Variants in KLF12 observed in about 807,000 individuals in gnomAD.
KLF12 encodes the protein Krueppel-like factor 12.
A neutral mutation model predicts 37.8 loss-of-function variants in KLF12; 9 were observed. The observed-to-expected ratio is 0.24, with a 90% CI of 0.14 to 0.42. The LOEUF (loss-of-function observed/expected upper bound fraction) is 0.42. KLF12 is among the 10% of genes least tolerant of loss of function. The probability of loss-of-function intolerance (pLI) is 1.00; values close to 1 mark genes in which losing one functional copy is unlikely to be tolerated. For missense variants in KLF12, 411 were observed against 516.0 expected (o/e 0.80, Z 1.97); for synonymous variants, 208 against 202.1 (o/e 1.03, Z -0.25).
At chr13:74,120,983 G>C (rs955754552) in intron 1 of KLF12, among the ~76,000 whole-genome samples, 2 of 152,062 alleles carry the variant, frequency 1.3e-5, no homozygotes, top group African/African-American at 4.8e-5. Context: ...GAGAAAAATA[G>C]AAAACAAATA....
At chr13:73,850,707 A>G (rs991024406) in intron 3 of KLF12, among the ~76,000 whole-genome samples, 1 of 152,202 alleles carries the variant, frequency 6.6e-6, no homozygotes, top group African/African-American at 2.4e-5. Context: ...GATGGGGCTG[A>G]CATACATGGG....
chr13:74,141,722 A>G, the KLF12 span, among the ~76,000 whole-genome samples: 5 of 152,212 alleles, frequency 3.3e-5, no homozygotes, highest in Admixed American at 6.5e-5. Flanking sequence ...TGTTCCATTT[A>G]GAAAGCTTTC....
At chr13:74,194,787 A>T in the KLF12 span, among the ~76,000 whole-genome samples, 2 of 152,354 alleles carry the variant, frequency 1.3e-5, no homozygotes, top group East Asian at 3.9e-4. Context: ...GGTTTGAGAT[A>T]GATGTCACTC....
At chr13:73,956,441 CT>C (rs1441804188) in intron 2 of KLF12, among the ~76,000 whole-genome samples, 1 of 152,184 alleles carries the variant, frequency 6.6e-6, no homozygotes, top group African/African-American at 2.4e-5. Flanking sequence ...CCGGGCTGTC[CT>C]GTACATTGTA....
intron 1 of KLF12, among the ~76,000 whole-genome samples, chr13:74,025,985 G>GA (rs1384856189): frequency 1.5e-4 from 23 of 152,118 alleles, no homozygotes; most frequent in African/African-American, 5.3e-4. Context: ...TTTCTCTAGT[G>GA]AAACAGTTGA....
chr13:74,221,586 C>T, the KLF12 span, among the ~76,000 whole-genome samples: 1 of 152,116 alleles, frequency 6.6e-6, no homozygotes, highest in African/African-American at 2.4e-5. Context: ...ATTATGCCTC[C>T]TTACATATTT....
chr13:73,827,907 A>C (rs1212602173), intron 4 of KLF12, among the ~76,000 whole-genome samples: 1 of 152,146 alleles, frequency 6.6e-6, no homozygotes, highest in Non-Finnish European at 1.5e-5. Context: ...GAGTTAATTA[A>C]AAGTTATCTT....
At chr13:73,881,561 G>C (rs893502470) in intron 3 of KLF12, among the ~76,000 whole-genome samples, 1 of 151,944 alleles carries the variant, frequency 6.6e-6, no homozygotes, top group African/African-American at 2.4e-5. Flanking sequence ...CATATGAAAA[G>C]TTTCTCAAAT....
chr13:74,282,047 G>A, the KLF12 span, among the ~76,000 whole-genome samples: 1 of 152,114 alleles, frequency 6.6e-6, no homozygotes, highest in African/African-American at 2.4e-5. Context: ...ACCTTAGTAA[G>A]GTCAGTCAAT....
At chr13:73,891,260 T>A in intron 3 of KLF12, among the ~76,000 whole-genome samples, 1 of 152,116 alleles carries the variant, frequency 6.6e-6, no homozygotes, top group East Asian at 1.9e-4. Flanking sequence ...CATTTTTATA[T>A]TAAAAGTCTA....
chr13:74,278,280 C>T, the KLF12 span, among the ~76,000 whole-genome samples: 1 of 152,152 alleles, frequency 6.6e-6, no homozygotes, highest in East Asian at 1.9e-4. Flanking sequence ...GAGGTCTATT[C>T]CTACTTCAGG....
the KLF12 span, among the ~76,000 whole-genome samples, chr13:74,273,612 T>C: frequency 6.6e-6 from 1 of 152,086 alleles, no homozygotes; most frequent in Non-Finnish European, 1.5e-5. Context: ...AAAAATACCA[T>C]AATAAAATTA....
intron 1 of KLF12, among the ~76,000 whole-genome samples, chr13:74,102,796 T>G (rs1044357399): frequency 7.2e-5 from 11 of 152,126 alleles, no homozygotes; most frequent in Admixed American, 7.2e-4. Flanking sequence ...TGACAGGGAA[T>G]GACTGAGGAA....
At chr13:74,246,097 A>C in the KLF12 span, among the ~76,000 whole-genome samples, 2 of 152,174 alleles carry the variant, frequency 1.3e-5, no homozygotes, top group African/African-American at 4.8e-5. Context: ...CCTTCCCCAA[A>C]TGCCTATGCT....
chr13:73,765,387 G>A (rs1348740121), intron 5 of KLF12, among the ~76,000 whole-genome samples: 2 of 151,982 alleles, frequency 1.3e-5, no homozygotes, highest in African/African-American at 2.4e-5. Context: ...CATGAGGGTG[G>A]GCACAAAGAG....
chr13:74,098,792 T>G (rs1024247818), intron 1 of KLF12, among the ~76,000 whole-genome samples: 2 of 152,194 alleles, frequency 1.3e-5, no homozygotes, highest in Non-Finnish European at 2.9e-5. Context: ...TTTTAGAAAA[T>G]ATTTTGCTAA....
At chr13:74,232,651 G>A in the KLF12 span, among the ~76,000 whole-genome samples, 4 of 152,110 alleles carry the variant, frequency 2.6e-5, no homozygotes, top group Non-Finnish European at 5.9e-5. Context: ...ATCAACAAAA[G>A]TAATTTTATA....
At chr13:74,146,581 A>T in the KLF12 span, among the ~76,000 whole-genome samples, 3 of 152,192 alleles carry the variant, frequency 2.0e-5, no homozygotes, top group Admixed American at 6.6e-5. Context: ...GTTTTCTTTT[A>T]AAAAACAGTC....
intron 5 of KLF12, among the ~76,000 whole-genome samples, chr13:73,765,505 A>G (rs1178208920): frequency 2.0e-5 from 3 of 152,206 alleles, no homozygotes; most frequent in African/African-American, 7.2e-5. Context: ...GAAGGAAGGA[A>G]GGGTGAACAG....
Sources: allele counts gnomAD v4.1 joint callset (sites outside exome capture counted in the v4.1 genomes callset), GRCh38; gene constraint gnomAD v4.1.1; transcripts MANE v1.5; gene names NCBI Gene and HGNC (gene_info 2026-07-23, HGNC 2026-07-21).